ALS2: variants seen among roughly 807,000 people sequenced by gnomAD.
ALS2 encodes alsin.
ALS2 carries 117 observed loss-of-function variants against 203.4 expected under a neutral mutation model. The observed-to-expected ratio is 0.58, with a 90% CI of 0.50 to 0.67. The LOEUF (loss-of-function observed/expected upper bound fraction) is 0.67. Ranked by LOEUF, ALS2 falls within the 30% of genes least tolerant of loss-of-function variation. ALS2 has a pLI of 0.00. For synonymous variants in ALS2, 718 were observed against 725.9 expected (o/e 0.99, Z 0.17); for missense variants, 1,715 against 1,989.4 (o/e 0.86, Z 2.62).
Position 201,704,509 on chromosome 2 carries a change from A to G in ALS2, c.4783T>C (p.Leu1595=). The G allele has an allele frequency of 2.5e-6, 4 of 1,614,184 alleles. No individual in the cohort carries two copies. Among genetic ancestry groups the G allele is most frequent in the Non-Finnish European group, 3.4e-6 (4 of 1,180,028 alleles). Residue 1595 remains leucine, a synonymous_variant, in exon 32 of 34, where the codon TTG becomes CTG. Coordinates refer to ENST00000264276, the MANE Select transcript of ALS2 (RefSeq NM_020919.4). ...SVLASLHEDF[L]WSMDDLFPVF... ...GGAAACAAGTCATCCATGGACCACA[A>G]GAAGTCTTCGTGGAGTGACGCCAGG... is the stretch of plus-strand genomic sequence containing the variant.
At chr2:201,754,379 G>A in intron 6 of ALS2, 124 bp downstream of exon 6, 2 of 1,205,964 alleles carry the variant, frequency 1.7e-6, no homozygotes, top group South Asian at 1.2e-5. Flanking sequence ...TTAATGGTGT[G>A]TAATAATCTG....
At chr2:201,767,742 C>A (rs1313937113) in intron 2 of ALS2, among the ~76,000 whole-genome samples, 1 of 151,306 alleles carries the variant, frequency 6.6e-6, no homozygotes, top group African/African-American at 2.4e-5. Flanking sequence ...GTGGCGTGAA[C>A]CTGTAGTCCC....
chr2:201,714,092 G>A (rs1690216273), intron 25 of ALS2, among the ~76,000 whole-genome samples: 1 of 152,022 alleles, frequency 6.6e-6, no homozygotes, highest in African/African-American at 2.4e-5. Context: ...GACCAGCCTG[G>A]ATAATATAGC....
At chr2:201,738,338 T>C (rs1692016640) in intron 12 of ALS2, among the ~76,000 whole-genome samples, 1 of 152,148 alleles carries the variant, frequency 6.6e-6, no homozygotes, top group Non-Finnish European at 1.5e-5. Context: ...ACATTATTTG[T>C]TCCTCTCCAA....
intron 23 of ALS2, among the ~76,000 whole-genome samples, chr2:201,720,383 C>A (rs540224989): frequency 6.6e-6 from 1 of 151,882 alleles, no homozygotes; most frequent in South Asian, 2.1e-4. Context: ...ATCATCTCAA[C>A]AGATAATGGA....
rs1048438621 is a variant in ALS2, at chr2:201,741,108, C to T, written c.2351+566G>A. ...CATATCAAAATACAAGTTAAGAAAA[C>T]GTGAGAAACATTTTAAGTTACATTT... On this transcript the variant is annotated intron_variant, in intron 11 of 33. Transcript: ENST00000264276. 5.2e-5 allele frequency: 8 copies of T among 153,982 alleles called. 1 individual carries two copies. Among genetic ancestry groups the T allele is most frequent in the South Asian group, 4.0e-4 (2 of 5,016 alleles). The allele number at this position is 153,982 out of a possible 1,614,324, so 9.5% of individuals were successfully genotyped here.
At chr2:201,776,489 C>G (rs1470813818) in intron 1 of ALS2, among the ~76,000 whole-genome samples, 2 of 151,856 alleles carry the variant, frequency 1.3e-5, no homozygotes, top group African/African-American at 2.4e-5. Flanking sequence ...AATAATAATC[C>G]CATGATGCAT....
chr2:201,722,178 T>C (rs1414139376), intron 23 of ALS2: 2 of 152,052 alleles, frequency 1.3e-5, no homozygotes, highest in African/African-American at 2.4e-5. Flanking sequence ...ATTTTAGAAA[T>C]AGGCCAAGAT....
At chr2:201,731,263 C>G (rs995586800) in intron 13 of ALS2, among the ~76,000 whole-genome samples, 4 of 152,018 alleles carry the variant, frequency 2.6e-5, no homozygotes, top group Non-Finnish European at 4.4e-5. Context: ...AAGGTATGAT[C>G]TTTGTACCAT....
chr2:201,736,430 C>A (rs879652725), intron 12 of ALS2, among the ~76,000 whole-genome samples: 1 of 151,896 alleles, frequency 6.6e-6, no homozygotes, highest in Non-Finnish European at 1.5e-5. Context: ...AAAAACAAAA[C>A]GTACTAAGAC....
chr2:201,766,104 C>T (rs1248053000), intron 3 of ALS2, among the ~76,000 whole-genome samples: 1 of 152,168 alleles, frequency 6.6e-6, no homozygotes, highest in East Asian at 1.9e-4. Flanking sequence ...GTCTGGCATA[C>T]AACTGCTTAA....
Position 201,760,896 on chromosome 2 carries a change from C to T in ALS2, c.1098G>A (p.Lys366=). 6.2e-7 allele frequency: 1 copy of T among 1,613,278 alleles called. No homozygotes were observed. Among genetic ancestry groups the T allele is most frequent in the Non-Finnish European group, 8.5e-7 (1 of 1,179,264 alleles). The part of the protein sequence containing the change: ...SVREDSEHGE[K]PVPSQPLLEE... ...GAGCAGGTACCTGAGATGGCACTGG[C>T]TTTTCACCATGCTCTGAGTCCTCTC... Residue 366 remains lysine (K), a synonymous_variant, in exon 4 of 34, where the codon AAG becomes AAA. Transcript: ENST00000264276.
At chr2:201,733,176 T>G (rs553264984) in intron 13 of ALS2, 100 bp downstream of exon 13, 1 of 1,255,294 alleles carries the variant, frequency 8.0e-7, no homozygotes, top group African/African-American at 1.5e-5. Context: ...AGGTAAATAT[T>G]AAATTACTGG....
chr2:201,757,321 T>G (rs1693459007), intron 5 of ALS2, 81 bp downstream of exon 5: 9 of 1,173,118 alleles, frequency 7.7e-6, no homozygotes, highest in African/African-American at 1.5e-5. Flanking sequence ...TAGGACAGCT[T>G]TTTTAATAAT....
rs3219154 is a variant in ALS2 at position 201,761,714 on chromosome 2, T to C, written c.280A>G (p.Ile94Val). 0.029 allele frequency: 46,579 copies of C among 1,613,992 alleles called. 740 individuals carry two copies. Among genetic ancestry groups the C allele is most frequent in the African/African-American group, 0.051 (3,815 of 74,962 alleles). ...LENALVGQYV[I>V]TVATGSFHSG... is the part of the protein sequence containing the mutation. ...TGGAAGCTTCCTGTTGCCACAGTAA[T>C]AACATATTGCCCAACCAGGGCATTT... Residue 94 changes from isoleucine to valine, a missense_variant, in exon 4 of 34, where the codon ATT becomes GTT. Coordinates refer to ENST00000264276, the MANE Select transcript of ALS2 (RefSeq NM_020919.4).
chr2:201,746,782 T>C lies in ALS2; in HGVS notation c.1816-34A>G, dbSNP rs778505192. The C allele has an allele frequency of 3.7e-6, 6 of 1,612,636 alleles. No individual in the cohort carries two copies. In the Admixed American group the frequency reaches 6.7e-5, roughly 18 times the overall value. The stretch of plus-strand genomic sequence containing the variant: ...ACAGAAAGATAGTGTCTGTCCAAGA[T>C]AAAGGCAATCAGAGAGAACTTCGGA... On this transcript the variant is annotated intron_variant, in intron 8 of 33. Transcript: ENST00000264276.
In ALS2 at chr2:201,727,599, T is replaced by G. The variant is rs1380779963; in HGVS notation, c.2912+106A>C. ...GAGAGGTGGGCCTCATTATACAGAA[T>G]GAGGAGACTGTCTCCGAAGCCTTCC... On this transcript the variant is annotated intron_variant, in intron 16 of 33. Transcript: ENST00000264276. The G allele has an allele frequency of 6.0e-6, 6 of 996,210 alleles. No homozygotes were observed. In the African/African-American group the frequency reaches 9.8e-5, roughly 16 times the overall value. The allele number at this position is 996,210 out of a possible 1,614,324, so 61.7% of individuals were successfully genotyped here. A position where few individuals can be genotyped will look rare whatever the true frequency, so the allele number is the denominator to read the frequency against.
chr2:201,722,079 C>T (rs1690840038), intron 23 of ALS2: 1 of 152,036 alleles, frequency 6.6e-6, no homozygotes, highest in African/African-American at 2.4e-5. Context: ...AGTCAGACTG[C>T]AAGAAAATAT....
chr2:201,780,182 C>T (rs1694832880), intron 1 of ALS2: 1 of 152,178 alleles, frequency 6.6e-6, no homozygotes, highest in Non-Finnish European at 1.5e-5. Flanking sequence ...ACGATTCTAC[C>T]AGTCTACTGT....
Sources: allele counts gnomAD v4.1 joint callset (sites outside exome capture counted in the v4.1 genomes callset), GRCh38; gene constraint gnomAD v4.1.1; transcripts MANE v1.5; gene names NCBI Gene and HGNC (gene_info 2026-07-23, HGNC 2026-07-21).